PRB2: variants seen among roughly 807,000 people sequenced by gnomAD.
PRB2 encodes proline rich protein BstNI subfamily 2.
A neutral mutation model predicts 8.3 loss-of-function variants in PRB2; 12 were observed. That is an observed-to-expected ratio of 1.45 (90% confidence interval 0.93 to 2.35). The LOEUF is 2.35. Ranked by LOEUF, PRB2 falls within the 30% of genes most tolerant of loss-of-function variation. The pLI, the probability that PRB2 is intolerant of heterozygous loss-of-function variation, is 0.00. For synonymous variants in PRB2, 146 were observed against 180.0 expected, an observed-to-expected ratio of 0.81 and a Z score of 1.51; for missense variants, 470 against 507.0, an observed-to-expected ratio of 0.93 and a Z score of 0.70.
rs187059406 is a variant in PRB2, at chr12:11,394,354, T to C, written c.100+141A>G. On this transcript the variant is annotated intron_variant, in intron 2 of 3. Transcript: ENST00000389362. ...CATGATGCCCAGAATCAAGGTTGCA[T>C]GAAGAGTGCCTATATTATTAGGAGC... 2.0e-3 allele frequency: 2,149 copies of C among 1,087,978 alleles called. 4 individuals carry two copies. Among genetic ancestry groups the C allele is most frequent in the Non-Finnish European group, 2.4e-3 (1,756 of 719,886 alleles). 67.4% of individuals were successfully genotyped at this position (1,087,978 alleles called of 1,614,324 possible).
At chr12:11,395,156 A>G (rs1463195758) in intron 1 of PRB2, among the ~76,000 whole-genome samples, 1 of 152,008 alleles carries the variant, frequency 6.6e-6, no homozygotes, top group African/African-American at 2.4e-5. Flanking sequence ...TCAGTTTAGG[A>G]TCTTCACAGC....
intron 1 of PRB2, 42 bp downstream of exon 1, chr12:11,395,424 C>T (rs754244969): frequency 8.7e-6 from 14 of 1,612,138 alleles, no homozygotes; most frequent in Non-Finnish European, 6.8e-6. Context: ...ACCTCCTAAG[C>T]CCCAAGCAGA....
At chr12:11,391,766 C>T (rs74060779) in intron 3 of PRB2, 118 bp from the exon 4 acceptor site, 3,213 of 222,262 alleles carry the variant, frequency 0.014, 443 homozygotes, top group African/African-American at 0.073. Context: ...TCCCCCTATC[C>T]CTTCTACCTC....
In PRB2 at chr12:11,392,976, C is replaced by A. The variant is rs1360364787; in HGVS notation, c.1102G>T (p.Gly368Ter). Reference sequence around the variant, plus strand: ...TTGTTGCCTTCTTGTTGGGGTGGTCCTTGTGGCTTTCCTGGAGGAGATCGG... The same window carrying A: ...TTGTTGCCTTCTTGTTGGGGTGGTCATTGTGGCTTTCCTGGAGGAGATCGG... Reference protein sequence around the residue: ...SARSPPGKPQGPPQQEGNNPQ... With the variant: ...SARSPPGKPQ Residue 368 changes from glycine to a stop codon, truncating the protein, a stop_gained, in exon 3 of 4, where the codon GGA becomes TGA. Coordinates refer to ENST00000389362, the MANE Select transcript of PRB2 (RefSeq NM_006248.4). LOFTEE classifies it low-confidence loss of function (END_TRUNC). 8 of 1,612,586 alleles carry A rather than the reference C, an allele frequency of 5.0e-6. No individual in the cohort carries two copies. Among genetic ancestry groups the A allele is most frequent in the Non-Finnish European group, 6.8e-6 (8 of 1,179,632 alleles).
chr12:11,394,043 A>C, intron 2 of PRB2, 66 bp from the exon 3 acceptor site: 3 of 1,602,014 alleles, frequency 1.9e-6, no homozygotes, highest in East Asian at 2.2e-5. Context: ...GAATAGTTGC[A>C]GTAAATTTTT....
At chr12:11,395,116 G>A (rs968192799) in intron 1 of PRB2, among the ~76,000 whole-genome samples, 5 of 152,022 alleles carry the variant, frequency 3.3e-5, no homozygotes, top group Admixed American at 1.3e-4. Context: ...GTACAGCAAG[G>A]CCACCATCAT....
intron 1 of PRB2, among the ~76,000 whole-genome samples, chr12:11,394,887 C>T (rs914977219): frequency 6.6e-5 from 10 of 152,154 alleles, no homozygotes; most frequent in African/African-American, 2.4e-4. Context: ...CATGCTTTCT[C>T]AATTGGGGTA....
At chr12:11,394,700 G>A (rs201434652) in intron 1 of PRB2, among the ~76,000 whole-genome samples, 170 bp from the exon 2 acceptor site, 28 of 152,244 alleles carry the variant, frequency 1.8e-4, no homozygotes, top group South Asian at 2.1e-4. Flanking sequence ...GTAAGGGGAG[G>A]CAGGGTTGTT....
Position 11,391,861 on chromosome 12 carries a change from A to C in PRB2, c.*34-213T>G, listed in dbSNP as rs529843501. Among the ~76,000 whole-genome samples, 1,040 of 139,816 alleles carry C rather than the reference A, an allele frequency of 7.4e-3. 24 individuals are homozygous for C. The highest frequency in any genetic ancestry group is 0.028 in the African/African-American group (1,000 of 35,682). 91.7% of individuals were successfully genotyped at this position (139,816 alleles called of 152,430 possible). Reference sequence around the variant, plus strand: ...GCTCCAAATTGTTCCTTACGTGATGAAGACAGAAGATCATTCTTAGCTTAT... The same window carrying C: ...GCTCCAAATTGTTCCTTACGTGATGCAGACAGAAGATCATTCTTAGCTTAT... On this transcript the variant is annotated intron_variant, in intron 3 of 3. Transcript: ENST00000389362.
Position 11,391,673 on chromosome 12 carries a change from C to T in PRB2, c.*34-25G>A. 3 of 427,870 alleles carry T rather than the reference C, an allele frequency of 7.0e-6. No individual in the cohort carries two copies. The East Asian group carries it at 2.2e-4, about 31-fold the overall frequency. The allele number at this position is 427,870 out of a possible 1,614,324, so 26.5% of individuals were successfully genotyped here. ...CCTGAAACAAACAAACAAGGAAGTTCATAGACCAGACTTGACATGGCAGGA... is the reference window on the plus strand; with the variant it reads ...CCTGAAACAAACAAACAAGGAAGTTTATAGACCAGACTTGACATGGCAGGA... On this transcript the variant is annotated intron_variant, in intron 3 of 3. Coordinates refer to ENST00000389362, the MANE Select transcript of PRB2 (RefSeq NM_006248.4).
Position 11,393,997 on chromosome 12 carries a change from G to C in PRB2, c.101-20C>G. The C allele has an allele frequency of 6.2e-7, 1 of 1,613,834 alleles. No homozygotes were observed. Among genetic ancestry groups the C allele is most frequent in the Non-Finnish European group, 8.5e-7 (1 of 1,179,730 alleles). On this transcript the variant is annotated intron_variant, in intron 2 of 3. Transcript: ENST00000389362. ...GATTTCCTGGAGAACAAAGAGAGAA[G>C]AGAAAGACAGAGTAAAAGCCCATAC...
At position 11,392,965 on chromosome 12, in the gene PRB2, T is replaced by C. The variant is rs1311319946; in HGVS notation, c.1113A>G (p.Gln371=). The change falls in exon 3 of 4, where the codon CAA becomes CAG. Residue 371 remains glutamine (Q), a synonymous_variant. Coordinates refer to ENST00000389362, the MANE Select transcript of PRB2 (RefSeq NM_006248.4). ...SPPGKPQGPP[Q]QEGNNPQGPP... ...GACCTTGAGGATTGTTGCCTTCTTG[T>C]TGGGGTGGTCCTTGTGGCTTTCCTG... 1.2e-6 allele frequency: 2 copies of C among 1,612,254 alleles called. No homozygotes were observed. The highest frequency in any genetic ancestry group is 1.1e-5 in the South Asian group (1 of 90,790).
Position 11,395,481 on chromosome 12 carries a change from G to C in PRB2, c.49C>G (p.Gln17Glu), listed in dbSNP as rs748260356. The C allele has an allele frequency of 1.9e-6, 3 of 1,613,582 alleles. No homozygotes were observed. Among genetic ancestry groups the C allele is most frequent in the Admixed American group, 3.3e-5 (2 of 59,992 alleles). The change falls in exon 1 of 4, where the codon CAG becomes GAG. Residue 17 changes from glutamine to glutamate, a missense_variant. Gln to Glu is a conservative substitution (Grantham distance 29). Around this residue, in one of 4 missense-constraint regions of PRB2, gnomAD observed 211 missense variants for 207.7 expected, o/e 1.02. Transcript: ENST00000389362. ...SVALLALSSAQNLNEDVSQEE... is the reference protein window; with the variant it reads ...SVALLALSSAENLNEDVSQEE... Reference sequence around the variant, plus strand: ...TCTGTTTTACCTTCATTTAAGTTCTGAGCTGAGCTCAGGGCCAGCAAGGCC... The same window carrying C: ...TCTGTTTTACCTTCATTTAAGTTCTCAGCTGAGCTCAGGGCCAGCAAGGCC...
intron 3 of PRB2, 114 bp from the exon 4 acceptor site, chr12:11,391,762 T>G (rs1237338644): frequency 4.4e-6 from 1 of 225,182 alleles, no homozygotes; most frequent in East Asian, 1.5e-4. Context: ...TCTCTCCCCC[T>G]ATCCCTTCTA....
chr12:11,394,968 G>C (rs1489022635), intron 1 of PRB2, among the ~76,000 whole-genome samples: 1 of 152,036 alleles, frequency 6.6e-6, no homozygotes. Context: ...GCGTGTAAGG[G>C]AGAGAAAAAT....
Position 11,394,493 on chromosome 12 carries a change from A to T in PRB2, c.100+2T>A, listed in dbSNP as rs566732569. 1.3e-5 allele frequency: 21 copies of T among 1,613,022 alleles called. No individual in the cohort carries two copies. The highest frequency in any genetic ancestry group is 1.7e-5 in the Non-Finnish European group (20 of 1,179,072). On this transcript the variant is annotated splice_donor_variant, in intron 2 of 3. Coordinates refer to ENST00000389362, the MANE Select transcript of PRB2 (RefSeq NM_006248.4). LOFTEE classifies it high-confidence loss of function. ...ACAGATTGAGAATGAATCGGGATTT[A>T]CCTGCTATTAGGGAGGGAGATTCTT...
chr12:11,394,157 C>T (rs1158542778), intron 2 of PRB2, among the ~76,000 whole-genome samples, 180 bp from the exon 3 acceptor site: 3 of 152,106 alleles, frequency 2.0e-5, no homozygotes, highest in South Asian at 2.1e-4. Context: ...AGTGGAGCGC[C>T]AGGGAAGAAC....
rs200427016 is a variant in PRB2 at position 11,393,308 on chromosome 12, G to T, written c.770C>A (p.Pro257Gln). 3,165 of 1,503,134 alleles carry T rather than the reference G, an allele frequency of 2.1e-3. 24 individuals are homozygous for T. The highest frequency in any genetic ancestry group is 2.5e-3 in the Non-Finnish European group (2,850 of 1,130,440). The allele number at this position is 1,503,134 out of a possible 1,614,324, so 93.1% of individuals were successfully genotyped here. A position where few individuals can be genotyped will look rare whatever the true frequency, so the allele number is the denominator to read the frequency against. Residue 257 changes from proline (P) to glutamine (Q), a missense_variant, in exon 3 of 4, where the codon CCA (proline) becomes CAA (glutamine). This residue lies in a region of PRB2 where 205 missense variants were observed against 195.0 expected (regional missense o/e 1.05). Coordinates refer to ENST00000389362, the MANE Select transcript of PRB2 (RefSeq NM_006248.4). ...TCCTTGTGGCTTTCCTGGAGGAGGT[G>T]GGGGACCTTGGGGCTGGTTGCCTCC... ...PQGGNQPQGP[P>Q]PPPGKPQGPP...
Position 11,394,488 on chromosome 12 carries a change from G to T in PRB2, c.100+7C>A, listed in dbSNP as rs1864377415. On this transcript the variant is annotated splice_region_variant and intron_variant, in intron 2 of 3. Coordinates refer to ENST00000389362, the MANE Select transcript of PRB2 (RefSeq NM_006248.4). ...TCAGAACAGATTGAGAATGAATCGG[G>T]ATTTACCTGCTATTAGGGAGGGAGA... 1.9e-6 allele frequency: 3 copies of T among 1,612,788 alleles called. No homozygotes were observed. The East Asian group carries it at 6.7e-5, about 36-fold the overall frequency.
Sources: allele counts gnomAD v4.1 joint callset (sites outside exome capture counted in the v4.1 genomes callset), GRCh38; gene constraint gnomAD v4.1.1; regional missense constraint gnomAD v4.1.1; transcripts MANE v1.5; gene names NCBI Gene and HGNC (gene_info 2026-07-23, HGNC 2026-07-21).